Variants in NBPF20 observed in about 807,000 individuals in gnomAD.
NBPF20 encodes NBPF member 20.
Under a neutral mutation model 68.1 loss-of-function variants are expected in NBPF20, and 90 were observed. The ratio of observed to expected loss-of-function variants is 1.32; its 90% CI spans 1.11 to 1.58. NBPF20 has a LOEUF of 1.58. NBPF20 is among the 40% of genes most tolerant of loss of function. The pLI, the probability that NBPF20 is intolerant of heterozygous loss-of-function variation, is 0.00. For synonymous variants in NBPF20, 290 were observed against 228.1 expected (o/e 1.27, Z -2.45); for missense variants, 816 against 601.2 (o/e 1.36, Z -3.74).
intron 61 of NBPF20, among the ~76,000 whole-genome samples, chr1:145,352,320 C>A (rs1279210495): frequency 4.4e-5 from 4 of 91,084 alleles, no homozygotes; most frequent in Non-Finnish European, 9.6e-5. Flanking sequence ...CACACACACA[C>A]ACACACACAG....
At chr1:145,421,756 A>T in the NBPF20 span, among the ~76,000 whole-genome samples, 4 of 152,346 alleles carry the variant, frequency 2.6e-5, 1 homozygote, top group East Asian at 7.7e-4. Context: ...TTAAAACTAA[A>T]ATGGCCAGCG....
chr1:145,394,905 C>G (rs1662148642), intron 8 of NBPF20, 73 bp downstream of exon 13: 1 of 1,532,204 alleles, frequency 6.5e-7, no homozygotes, highest in East Asian at 2.2e-5. Flanking sequence ...ACAAGGGGCA[C>G]AAGGCCCAAA....
intron 2 of NBPF20, among the ~76,000 whole-genome samples, chr1:145,403,699 G>A (rs1384708361): frequency 6.6e-6 from 1 of 152,040 alleles, no homozygotes; most frequent in Non-Finnish European, 1.5e-5. Flanking sequence ...CAGTCGGGAA[G>A]GCCCCTAGGA....
At chr1:145,425,547 G>C in the NBPF20 span, among the ~76,000 whole-genome samples, 1 of 152,274 alleles carries the variant, frequency 6.6e-6, no homozygotes, top group South Asian at 2.1e-4. Flanking sequence ...TGTCTCAACC[G>C]CCGCCCAGCC....
the NBPF20 span, among the ~76,000 whole-genome samples, chr1:145,412,285 C>T: frequency 2.0e-5 from 3 of 152,090 alleles, no homozygotes; most frequent in East Asian, 3.9e-4. Flanking sequence ...TATCCTAAGG[C>T]GTCCAGTTGA....
the NBPF20 span, among the ~76,000 whole-genome samples, chr1:145,425,184 G>A: frequency 6.6e-6 from 1 of 152,130 alleles, no homozygotes; most frequent in Admixed American, 6.5e-5. Flanking sequence ...GGAATCCAAC[G>A]CATGGAACTT....
chr1:145,404,412 C>A, intron 2 of NBPF20, among the ~76,000 whole-genome samples: 1 of 152,024 alleles, frequency 6.6e-6, no homozygotes, highest in East Asian at 1.9e-4. Context: ...TTGCCCACCA[C>A]GACGCCCATC....
At chr1:145,372,582 T>G in exon 36 of NBPF20, 1 of 308,572 alleles carries the variant, frequency 3.2e-6, no homozygotes. Flanking sequence ...AGGGCTGGCC[T>G]AAGTCAGGCA....
At chr1:145,406,218 G>A (rs1368714148), upstream of NBPF20, among the ~76,000 whole-genome samples, 1 of 151,554 alleles carries the variant, frequency 6.6e-6, no homozygotes, top group Non-Finnish European at 1.5e-5. Flanking sequence ...ACAGGCGTGA[G>A]CCACCGCGCC....
chr1:145,291,856 G>C (rs1300309385), intron 137 of NBPF20, 87 bp from the exon 143 acceptor site: 7 of 1,608,126 alleles, frequency 4.4e-6, no homozygotes, highest in South Asian at 3.3e-5. Flanking sequence ...ACATAAGGAA[G>C]TGGTTAGAAA....
At chr1:145,407,295 G>A (rs1386108169), upstream of NBPF20, among the ~76,000 whole-genome samples, 7 of 146,414 alleles carry the variant, frequency 4.8e-5, no homozygotes, top group African/African-American at 1.8e-4. Flanking sequence ...AGGGCTGGGG[G>A]AGGGATAGCA....
intron 7 of NBPF20, among the ~76,000 whole-genome samples, chr1:145,397,792 A>G (rs1256834814): frequency 1.5e-4 from 23 of 152,230 alleles, no homozygotes; most frequent in Non-Finnish European, 3.4e-4. Flanking sequence ...AGAATGGCAA[A>G]TTGGATAAAG....
At chr1:145,405,246 G>T in exon 2 of NBPF20, 1 of 1,610,348 alleles carries the variant, frequency 6.2e-7, no homozygotes, top group Non-Finnish European at 8.5e-7. Context: ...CCTTCTCGCT[G>T]GACCAAGGGC....
chr1:145,402,470 T>C (rs1446106990), intron 3 of NBPF20, 89 bp from the exon 9 acceptor site: 2 of 1,448,640 alleles, frequency 1.4e-6, no homozygotes, highest in Non-Finnish European at 1.9e-6. Flanking sequence ...GATAATGTCC[T>C]CAAGGAGACC....
intron 3 of NBPF20, among the ~76,000 whole-genome samples, chr1:145,402,792 G>A (rs1312529397): frequency 3.3e-5 from 5 of 149,812 alleles, no homozygotes; most frequent in Admixed American, 6.7e-5. Context: ...TTGAAAAGAC[G>A]AAAGAAGAAA....
the NBPF20 span, among the ~76,000 whole-genome samples, chr1:145,416,195 T>C: frequency 1.2e-4 from 18 of 145,908 alleles, no homozygotes; most frequent in Middle Eastern, 3.5e-3. Context: ...TATGTGAAAA[T>C]GTATCATCTC....
exon 36 of NBPF20, chr1:145,372,522 A>T: frequency 2.0e-6 from 1 of 499,746 alleles, no homozygotes; most frequent in Non-Finnish European, 3.3e-6. Context: ...TGTCCACGTC[A>T]AGAGCCAAGC....
chr1:145,393,345 G>T (rs1271331660), intron 9 of NBPF20, 99 bp from the exon 15 acceptor site: 4 of 696,398 alleles, frequency 5.7e-6, no homozygotes, highest in African/African-American at 5.4e-5. Context: ...AGTTTGAAAA[G>T]AAAAAGGACA....
chr1:145,398,588 G>A (rs1259946870), intron 7 of NBPF20, among the ~76,000 whole-genome samples: 6 of 151,974 alleles, frequency 3.9e-5, no homozygotes, highest in South Asian at 2.1e-4. Flanking sequence ...ATGTGTAGAG[G>A]GAAAATTATA....
Sources: allele counts gnomAD v4.1 joint callset (sites outside exome capture counted in the v4.1 genomes callset), GRCh38; gene constraint gnomAD v4.1.1; transcripts MANE v1.5; gene names NCBI Gene and HGNC (gene_info 2026-07-23, HGNC 2026-07-21).